SRPK2: variants seen among roughly 807,000 people sequenced by gnomAD.
SRPK2 encodes the protein SRSF protein kinase 2, also known as SFRS protein kinase 2.
Under a neutral mutation model 90.8 loss-of-function variants are expected in SRPK2, and 21 were observed. That is an observed-to-expected ratio of 0.23 (90% confidence interval 0.16 to 0.33). SRPK2 has a LOEUF of 0.33. Ranked by LOEUF, SRPK2 falls within the 10% of genes least tolerant of loss-of-function variation. SRPK2 has a pLI of 1.00. For missense variants in SRPK2, 620 were observed against 869.0 expected, an observed-to-expected ratio of 0.71 and a Z score of 3.60; for synonymous variants, 288 against 311.1, an observed-to-expected ratio of 0.93 and a Z score of 0.78.
At chr7:105,324,549 C>T (rs1166798577) in intron 2 of SRPK2, among the ~76,000 whole-genome samples, 2 of 152,292 alleles carry the variant, frequency 1.3e-5, no homozygotes, top group African/African-American at 2.4e-5. Flanking sequence ...AGTTGGTAGG[C>T]CCATAGAATG....
At chr7:105,342,344 T>C (rs1318312543) in intron 2 of SRPK2, among the ~76,000 whole-genome samples, 1 of 148,052 alleles carries the variant, frequency 6.8e-6, no homozygotes, top group African/African-American at 2.5e-5. Flanking sequence ...ATAATAATAA[T>C]ATTAATAATA....
intron 6 of SRPK2, among the ~76,000 whole-genome samples, chr7:105,163,339 G>A (rs185125197): frequency 3.0e-4 from 46 of 152,276 alleles, no homozygotes; most frequent in African/African-American, 1.0e-3. Context: ...TGAAGCTTGG[G>A]TGAAAAAATG....
At chr7:105,207,371 C>T (rs1796343423) in intron 2 of SRPK2, among the ~76,000 whole-genome samples, 1 of 152,134 alleles carries the variant, frequency 6.6e-6, no homozygotes, top group Admixed American at 6.5e-5. Context: ...AATTACAACA[C>T]TGTAGAAGAC....
chr7:105,123,126 C>T (rs1800645842), intron 15 of SRPK2, among the ~76,000 whole-genome samples: 1 of 152,140 alleles, frequency 6.6e-6, no homozygotes, highest in Non-Finnish European at 1.5e-5. Context: ...GACCACCTAT[C>T]AACACAGTAG....
chr7:105,131,534 G>C (rs1435765381), intron 13 of SRPK2, among the ~76,000 whole-genome samples: 1 of 152,162 alleles, frequency 6.6e-6, no homozygotes, highest in Non-Finnish European at 1.5e-5. Flanking sequence ...CGAGGGAATA[G>C]AAAGGCCTGG....
chr7:105,247,672 G>A (rs1160239947), intron 2 of SRPK2, among the ~76,000 whole-genome samples: 2 of 151,802 alleles, frequency 1.3e-5, no homozygotes, highest in East Asian at 3.9e-4. Context: ...AAAAGAAGAA[G>A]TTTAATTCTT....
intron 2 of SRPK2, among the ~76,000 whole-genome samples, chr7:105,359,980 T>C (rs989321656): frequency 1.3e-5 from 2 of 152,160 alleles, no homozygotes; most frequent in African/African-American, 2.4e-5. Flanking sequence ...CAGTGGGGTG[T>C]TAAAGTCTCC....
At position 105,388,719 on chromosome 7, in the gene SRPK2, A is replaced by T. The variant is rs373130871; in HGVS notation, c.17-17T>A. Reference sequence around the variant, plus strand: ...TGGCCAGCACTGGGGAAGAGAAGACACACATTAACGGTCGGGCCGCCCGCC... The same window carrying T: ...TGGCCAGCACTGGGGAAGAGAAGACTCACATTAACGGTCGGGCCGCCCGCC... On this transcript the variant is annotated splice_polypyrimidine_tract_variant and intron_variant, in intron 1 of 15. Coordinates refer to ENST00000393651, the MANE Select transcript of SRPK2 (RefSeq NM_182692.3). 1.3e-6 allele frequency: 2 copies of T among 1,566,746 alleles called. No homozygotes were observed. Among genetic ancestry groups the T allele is most frequent in the Non-Finnish European group, 1.7e-6 (2 of 1,155,426 alleles).
intron 14 of SRPK2, among the ~76,000 whole-genome samples, chr7:105,126,668 C>A (rs1202215336): frequency 6.6e-6 from 1 of 152,202 alleles, no homozygotes; most frequent in African/African-American, 2.4e-5. Context: ...ATGGGCAGCA[C>A]ATCAATGGTC....
chr7:105,176,767 GTGTGTGTA>G (rs1792000163), intron 3 of SRPK2, among the ~76,000 whole-genome samples: 1 of 151,414 alleles, frequency 6.6e-6, no homozygotes, highest in Non-Finnish European at 1.5e-5. Flanking sequence ...GTGTGTGTGT[GTGTGTGTA>G]TATATATATA....
chr7:105,303,125 T>C (rs1810756436), intron 2 of SRPK2, among the ~76,000 whole-genome samples: 1 of 151,958 alleles, frequency 6.6e-6, no homozygotes, highest in African/African-American at 2.4e-5. Context: ...CATGGAATAC[T>C]ATGCAGCCAT....
At chr7:105,357,648 G>T (rs546839158) in intron 2 of SRPK2, among the ~76,000 whole-genome samples, 20 of 152,054 alleles carry the variant, frequency 1.3e-4, no homozygotes, top group African/African-American at 4.8e-4. Context: ...GGAGGCTGAG[G>T]CAAGAGAATT....
intron 1 of SRPK2, among the ~76,000 whole-genome samples, chr7:105,396,858 A>G (rs1302942056): frequency 2.7e-5 from 4 of 147,670 alleles, no homozygotes; most frequent in Admixed American, 6.8e-5. Flanking sequence ...GGGAGGGAGG[A>G]AGGGAGGAAG....
At chr7:105,185,687 CTA>C (rs1025620501) in intron 3 of SRPK2, among the ~76,000 whole-genome samples, 4 of 152,184 alleles carry the variant, frequency 2.6e-5, no homozygotes, top group Non-Finnish European at 4.4e-5. Context: ...TAAAAGGTCT[CTA>C]TGTGGAAAAC....
At chr7:105,376,141 C>T (rs1820267188) in intron 2 of SRPK2, among the ~76,000 whole-genome samples, 1 of 151,372 alleles carries the variant, frequency 6.6e-6, no homozygotes, top group Admixed American at 6.6e-5. Context: ...ACTACAGGCG[C>T]CCGCCACCAC....
intron 2 of SRPK2, among the ~76,000 whole-genome samples, chr7:105,251,904 G>A (rs1189056273): frequency 1.3e-5 from 2 of 152,172 alleles, no homozygotes; most frequent in African/African-American, 4.8e-5. Flanking sequence ...GGGGGAAGAA[G>A]GAGCTGACTA....
chr7:105,241,280 T>C (rs531804521), intron 2 of SRPK2, among the ~76,000 whole-genome samples: 33 of 152,332 alleles, frequency 2.2e-4, no homozygotes, highest in Non-Finnish European at 4.4e-4. Flanking sequence ...AACAGTTATG[T>C]ACATTATTTC....
At chr7:105,314,164 C>G (rs996920560) in intron 2 of SRPK2, among the ~76,000 whole-genome samples, 4 of 151,832 alleles carry the variant, frequency 2.6e-5, no homozygotes, top group Non-Finnish European at 5.9e-5. Flanking sequence ...AACCCCGTCT[C>G]TACTAAAAAT....
intron 8 of SRPK2, 149 bp downstream of exon 8, chr7:105,146,344 T>C (rs1804628051): frequency 1.4e-6 from 1 of 699,236 alleles, no homozygotes; most frequent in Admixed American, 3.1e-5. Flanking sequence ...TGGGGCATTT[T>C]CCATTTCAAG....
Sources: allele counts gnomAD v4.1 joint callset (sites outside exome capture counted in the v4.1 genomes callset), GRCh38; gene constraint gnomAD v4.1.1; transcripts MANE v1.5; gene names NCBI Gene and HGNC (gene_info 2026-07-23, HGNC 2026-07-21).